The following NALF1 variants were observed in gnomAD, a reference collection of about 807,000 sequenced individuals.
NALF1 encodes family with sequence similarity 155 member A.
Under a neutral mutation model 48.4 loss-of-function variants are expected in NALF1, and 3 were observed. The observed-to-expected ratio is 0.06, with a 90% confidence interval of 0.03 to 0.16. The LOEUF is 0.16. Among genes scored for constraint, NALF1 ranks in the 10% least tolerant of loss-of-function variants. The pLI, the probability that NALF1 is intolerant of heterozygous loss-of-function variation, is 1.00. For synonymous variants in NALF1, 262 were observed against 245.7 expected, an observed-to-expected ratio of 1.07 and a Z score of -0.62; for missense variants, 526 against 571.5, an observed-to-expected ratio of 0.92 and a Z score of 0.81.
At chr13:107,510,710 G>T (rs1253582805) in intron 1 of NALF1, among the ~76,000 whole-genome samples, 1 of 152,136 alleles carries the variant, frequency 6.6e-6, no homozygotes, top group Non-Finnish European at 1.5e-5. Flanking sequence ...CAATTTCACA[G>T]AACAGCAACG....
intron 1 of NALF1, among the ~76,000 whole-genome samples, chr13:107,337,599 C>T (rs1566488899): frequency 6.6e-6 from 1 of 152,092 alleles, no homozygotes; most frequent in South Asian, 2.1e-4. Flanking sequence ...CATGTCCTTT[C>T]GTGCCCTTAA....
intron 1 of NALF1, among the ~76,000 whole-genome samples, chr13:107,240,035 C>G (rs1011214758): frequency 3.3e-5 from 5 of 152,154 alleles, no homozygotes; most frequent in Admixed American, 6.5e-5. Flanking sequence ...GTAGGAATGT[C>G]ACTTACAAGT....
intron 1 of NALF1, among the ~76,000 whole-genome samples, chr13:107,259,364 G>T (rs2138852715): frequency 6.6e-6 from 1 of 152,276 alleles, no homozygotes; most frequent in Non-Finnish European, 1.5e-5. Context: ...TGGATCCTCT[G>T]GCTTTTGTAG....
intron 1 of NALF1, among the ~76,000 whole-genome samples, chr13:107,257,647 G>A (rs1262451382): frequency 6.6e-6 from 1 of 152,124 alleles, no homozygotes; most frequent in African/African-American, 2.4e-5. Context: ...AGAGGTCAGC[G>A]ACCCATTTCC....
chr13:107,457,657 G>A (rs887375553), intron 1 of NALF1, among the ~76,000 whole-genome samples: 1 of 150,940 alleles, frequency 6.6e-6, no homozygotes, highest in African/African-American at 2.5e-5. Flanking sequence ...GCTATTTATT[G>A]ATGAAGGCTA....
chr13:107,794,097 A>G (rs1410046456), intron 1 of NALF1, among the ~76,000 whole-genome samples: 1 of 152,200 alleles, frequency 6.6e-6, no homozygotes, highest in Non-Finnish European at 1.5e-5. Flanking sequence ...TGTCTTATTT[A>G]TGTAAATGAT....
At chr13:107,191,263 TA>T (rs10717792) in intron 2 of NALF1, among the ~76,000 whole-genome samples, 50,373 of 146,276 alleles carry the variant, frequency 0.34, 9,237 homozygotes, top group Middle Eastern at 0.46. Context: ...CACTAAATAG[TA>T]AAAAAAAAAA....
At chr13:107,725,686 C>CAAAAAA (rs1262849129) in intron 1 of NALF1, among the ~76,000 whole-genome samples, 1 of 95,868 alleles carries the variant, frequency 1.0e-5, no homozygotes. Context: ...CTCTGTCTCT[C>CAAAAAA]AAAAAAAAAA....
rs1024031078 is a variant in NALF1 at position 107,462,234 on chromosome 13, A to G, written c.916-251479T>C. On this transcript the variant is annotated intron_variant, in intron 1 of 2. Transcript: ENST00000375915. ...CTTCAAAAAACTTTCTGATATTCCA[A>G]AGAAATGCAAATACAAAATGTGAAG... is the stretch of plus-strand genomic sequence containing the variant. 2.0e-5 allele frequency among the ~76,000 whole-genome samples: 3 copies of G among 152,350 alleles called. No individual in the cohort carries two copies. The South Asian group carries it at 6.2e-4, about 32-fold the overall frequency.
intron 1 of NALF1, among the ~76,000 whole-genome samples, chr13:107,398,732 T>C (rs1207944808): frequency 6.6e-6 from 1 of 152,160 alleles, no homozygotes; most frequent in Non-Finnish European, 1.5e-5. Flanking sequence ...GACTGGTAGA[T>C]AGCTGGAACT....
chr13:107,642,244 T>C (rs1388415947), intron 1 of NALF1, among the ~76,000 whole-genome samples: 1 of 152,212 alleles, frequency 6.6e-6, no homozygotes, highest in African/African-American at 2.4e-5. Flanking sequence ...TCACTAAAAG[T>C]GAAGGCAGAG....
intron 2 of NALF1, among the ~76,000 whole-genome samples, chr13:107,207,519 C>T (rs1213358345): frequency 2.0e-5 from 3 of 152,214 alleles, no homozygotes; most frequent in African/African-American, 7.2e-5. Flanking sequence ...GGGAGCTGTC[C>T]TCTATTCTAA....
intron 2 of NALF1, among the ~76,000 whole-genome samples, chr13:107,192,950 G>C (rs1879312955): frequency 6.6e-6 from 1 of 151,426 alleles, no homozygotes; most frequent in South Asian, 2.1e-4. Flanking sequence ...GTTTATATAT[G>C]TTCTTAGTAA....
chr13:107,808,668 TTAAA>T (rs1181878282), intron 1 of NALF1, among the ~76,000 whole-genome samples: 2 of 99,238 alleles, frequency 2.0e-5, no homozygotes, highest in African/African-American at 1.1e-4. Flanking sequence ...CTATACAGAT[TTAAA>T]AAAAAAAAAA....
intron 1 of NALF1, among the ~76,000 whole-genome samples, chr13:107,439,842 G>T (rs1884527322): frequency 6.6e-6 from 1 of 152,080 alleles, no homozygotes; most frequent in South Asian, 2.1e-4. Flanking sequence ...CTGGAATATT[G>T]TGAGTTGTTT....
At chr13:107,309,710 C>G (rs1882008044) in intron 1 of NALF1, among the ~76,000 whole-genome samples, 1 of 152,270 alleles carries the variant, frequency 6.6e-6, no homozygotes, top group East Asian at 1.9e-4. Context: ...AATTCTGAGT[C>G]TCAATTAACA....
At chr13:107,461,441 A>C (rs569671314) in intron 1 of NALF1, among the ~76,000 whole-genome samples, 1 of 152,318 alleles carries the variant, frequency 6.6e-6, no homozygotes, top group East Asian at 1.9e-4. Flanking sequence ...TTCCAGTTGC[A>C]GAAAATTAGT....
chr13:107,551,847 G>T (rs1027306335), intron 1 of NALF1, among the ~76,000 whole-genome samples: 2 of 151,908 alleles, frequency 1.3e-5, no homozygotes, highest in African/African-American at 4.8e-5. Flanking sequence ...ACACTAATCA[G>T]GTCTACTCTG....
chr13:107,514,497 A>AT (rs1875998116), intron 1 of NALF1, among the ~76,000 whole-genome samples: 1 of 151,956 alleles, frequency 6.6e-6, no homozygotes, highest in South Asian at 2.1e-4. Flanking sequence ...TTGGTTCATC[A>AT]TAAGAACCTT....
Sources: allele counts gnomAD v4.1 joint callset (sites outside exome capture counted in the v4.1 genomes callset), GRCh38; gene constraint gnomAD v4.1.1; transcripts MANE v1.5; gene names NCBI Gene and HGNC (gene_info 2026-07-23, HGNC 2026-07-21).